Variants in UMAD1 observed in about 807,000 individuals in gnomAD.
The protein encoded by UMAD1 is UBAP1-MVB12-associated (UMA)-domain containing protein 1.
Under a neutral mutation model 6.1 loss-of-function variants are expected in UMAD1, and 8 were observed. That is an observed-to-expected ratio of 1.30 (90% confidence interval 0.76 to 2.35). The LOEUF (loss-of-function observed/expected upper bound fraction) is 2.35, where lower values mean the gene tolerates loss of function less well. UMAD1 is among the 30% of genes most tolerant of loss of function. UMAD1 has a pLI of 0.00. For missense variants in UMAD1, 130 were observed against 78.4 expected (o/e 1.66, Z -2.49); for synonymous variants, 56 against 31.4 (o/e 1.78, Z -2.61).
At position 7,870,314 on chromosome 7, in the gene UMAD1, G is replaced by T. The variant is rs1157345774; in HGVS notation, c.157-6967G>T. 2.0e-5 allele frequency among the ~76,000 whole-genome samples: 3 copies of T among 152,078 alleles called. 1 individual carries two copies. Among genetic ancestry groups the T allele is most frequent in the Non-Finnish European group, 4.4e-5 (3 of 68,008 alleles). ...TTTGAAAAAGAAGTATTAAAGCTAG[G>T]TTTATGAAGAAACTATACTCAGAAA... is the stretch of plus-strand genomic sequence containing the variant. On this transcript the variant is annotated intron_variant, in intron 3 of 3. Coordinates refer to ENST00000682710, the MANE Select transcript of UMAD1 (RefSeq NM_001302348.2).
At chr7:7,789,768 T>G (rs1782533757) in intron 2 of UMAD1, among the ~76,000 whole-genome samples, 2 of 152,258 alleles carry the variant, frequency 1.3e-5, no homozygotes, top group African/African-American at 4.8e-5. Flanking sequence ...TTCATCCATG[T>G]TGTAGCATGT....
At chr7:7,803,855 C>T (rs146698807) in intron 3 of UMAD1, among the ~76,000 whole-genome samples, 6 of 152,130 alleles carry the variant, frequency 3.9e-5, no homozygotes, top group East Asian at 1.9e-4. Flanking sequence ...TTTCAACATA[C>T]GAATTTTGGA....
intron 2 of UMAD1, among the ~76,000 whole-genome samples, chr7:7,695,245 C>T (rs545569904): frequency 4.6e-5 from 7 of 152,194 alleles, no homozygotes; most frequent in East Asian, 1.9e-4. Context: ...ACCAAGTAGC[C>T]GTGCAATAAT....
chr7:7,728,906 G>A (rs757930858), intron 2 of UMAD1, among the ~76,000 whole-genome samples: 7 of 152,128 alleles, frequency 4.6e-5, no homozygotes, highest in Non-Finnish European at 1.0e-4. Context: ...GAATATGATG[G>A]ATACAGCCTG....
chr7:7,824,329 A>G (rs1783301670), intron 3 of UMAD1, among the ~76,000 whole-genome samples: 1 of 152,094 alleles, frequency 6.6e-6, no homozygotes. Flanking sequence ...GTTCTAATTA[A>G]TTCCCCCTTC....
intron 1 of UMAD1, among the ~76,000 whole-genome samples, chr7:7,666,761 C>T (rs1779469362): frequency 6.6e-6 from 1 of 151,890 alleles, no homozygotes; most frequent in Non-Finnish European, 1.5e-5. Context: ...TATGTGATTT[C>T]CAGGAATTTT....
chr7:7,715,324 A>G (rs1419132487), intron 2 of UMAD1: 1 of 149,710 alleles, frequency 6.7e-6, no homozygotes, highest in Non-Finnish European at 1.5e-5. Flanking sequence ...TAGTAGTAGC[A>G]GAAGAGTTGA....
At chr7:7,781,622 TTTTA>T (rs1782346577) in intron 2 of UMAD1, among the ~76,000 whole-genome samples, 2 of 152,174 alleles carry the variant, frequency 1.3e-5, no homozygotes, top group South Asian at 4.2e-4. Context: ...AATTTAAAAA[TTTTA>T]TTTGTGAATA....
intron 2 of UMAD1, among the ~76,000 whole-genome samples, chr7:7,741,343 G>A (rs1003183960): frequency 6.6e-6 from 1 of 151,714 alleles, no homozygotes; most frequent in South Asian, 2.1e-4. Context: ...AGGCTGAGGC[G>A]GGAGGATCAC....
intron 3 of UMAD1, among the ~76,000 whole-genome samples, chr7:7,853,727 AG>A (rs1563261482): frequency 2.0e-5 from 3 of 152,192 alleles, no homozygotes; most frequent in Non-Finnish European, 4.4e-5. Flanking sequence ...TTTTCTACAT[AG>A]AAAATCATAT....
chr7:7,840,481 C>T (rs567385387), intron 3 of UMAD1, among the ~76,000 whole-genome samples: 1 of 83,582 alleles, frequency 1.2e-5, no homozygotes, highest in African/African-American at 4.4e-5. Flanking sequence ...CATTTAGGTT[C>T]ACGTAGCTAC....
chr7:7,739,941 C>G (rs975074813), intron 2 of UMAD1, among the ~76,000 whole-genome samples: 2 of 152,216 alleles, frequency 1.3e-5, no homozygotes, highest in African/African-American at 4.8e-5. Context: ...GAGTCAGCAT[C>G]CTTGCTACCT....
At chr7:7,844,287 C>A (rs1783741772) in intron 3 of UMAD1, among the ~76,000 whole-genome samples, 2 of 152,158 alleles carry the variant, frequency 1.3e-5, no homozygotes, top group South Asian at 4.2e-4. Flanking sequence ...CTGACACAGT[C>A]CAGAATTTTT....
chr7:7,768,387 C>A (rs1156553288), intron 2 of UMAD1, among the ~76,000 whole-genome samples: 1 of 152,190 alleles, frequency 6.6e-6, no homozygotes, highest in Non-Finnish European at 1.5e-5. Flanking sequence ...ACTTGTCCCA[C>A]TTCAGACTTC....
At chr7:7,644,807 C>G (rs1232270129) in intron 1 of UMAD1, among the ~76,000 whole-genome samples, 1 of 152,026 alleles carries the variant, frequency 6.6e-6, no homozygotes, top group African/African-American at 2.4e-5. Context: ...TTATTTTTGT[C>G]TCTTTGCTCT....
chr7:7,787,866 C>T (rs907735719), intron 2 of UMAD1, among the ~76,000 whole-genome samples: 2 of 152,160 alleles, frequency 1.3e-5, no homozygotes, highest in African/African-American at 4.8e-5. Flanking sequence ...CAGCTTCTGC[C>T]TTTCACCCAG....
intron 2 of UMAD1, among the ~76,000 whole-genome samples, chr7:7,776,014 C>G (rs1782198797): frequency 6.6e-6 from 1 of 152,108 alleles, no homozygotes; most frequent in Non-Finnish European, 1.5e-5. Flanking sequence ...TATATAAACT[C>G]ATCAAATTTG....
intron 3 of UMAD1, among the ~76,000 whole-genome samples, chr7:7,812,797 C>T (rs1783046081): frequency 1.1e-5 from 1 of 94,730 alleles, no homozygotes; most frequent in East Asian, 2.9e-4. Context: ...TTTCACACAG[C>T]CATCTTTTTT....
At chr7:7,703,151 TGCCGAAAATAATTACTG>T in intron 2 of UMAD1, among the ~76,000 whole-genome samples, 1 of 152,344 alleles carries the variant, frequency 6.6e-6, no homozygotes, top group East Asian at 1.9e-4. Context: ...TTATTTTATT[TGCCGAAAATAATTACTG>T]GTGCCCACTA....
Sources: allele counts gnomAD v4.1 joint callset (sites outside exome capture counted in the v4.1 genomes callset), GRCh38; gene constraint gnomAD v4.1.1; transcripts MANE v1.5; gene names NCBI Gene and HGNC (gene_info 2026-07-23, HGNC 2026-07-21).